Variants in CLYBL observed in about 807,000 individuals in gnomAD.
The protein encoded by CLYBL is citramalyl-CoA lyase.
In CLYBL, 31 loss-of-function variants were observed where a neutral mutation model predicts 38.9. The observed-to-expected ratio is 0.80, with a 90% confidence interval of 0.60 to 1.08. The LOEUF is 1.08. Among genes scored for constraint, CLYBL ranks in the 50% least tolerant of loss-of-function variants. The probability of loss-of-function intolerance (pLI) is 0.00; values close to 1 mark genes in which losing one functional copy is unlikely to be tolerated. For missense variants in CLYBL, 434 were observed against 411.6 expected (o/e 1.05, Z -0.47); for synonymous variants, 171 against 158.6 (o/e 1.08, Z -0.59).
At chr13:99,630,620 T>C (rs2046930041) in intron 1 of CLYBL, among the ~76,000 whole-genome samples, 2 of 152,172 alleles carry the variant, frequency 1.3e-5, no homozygotes, top group Non-Finnish European at 2.9e-5. Context: ...TCTTTTTTCT[T>C]TCTTCTTTTT....
At chr13:99,620,808 A>AAG (rs769913490) in intron 1 of CLYBL, among the ~76,000 whole-genome samples, 36 of 138,836 alleles carry the variant, frequency 2.6e-4, no homozygotes, top group Admixed American at 9.0e-4. Flanking sequence ...GAGAGAGAGA[A>AAG]AGAGAGAGAG....
chr13:99,877,075 C>T (rs554111404), intron 7 of CLYBL, among the ~76,000 whole-genome samples: 3 of 152,134 alleles, frequency 2.0e-5, no homozygotes, highest in Non-Finnish European at 2.9e-5. Context: ...AGTTATCAGT[C>T]GTTCAGTCTC....
chr13:99,700,250 C>T (rs1594126852), intron 1 of CLYBL, among the ~76,000 whole-genome samples: 1 of 152,138 alleles, frequency 6.6e-6, no homozygotes, highest in East Asian at 1.9e-4. Context: ...GTCGGGAGTT[C>T]GAGACTAGCC....
At chr13:99,889,994 G>C (rs924507799) in intron 7 of CLYBL, among the ~76,000 whole-genome samples, 5 of 152,178 alleles carry the variant, frequency 3.3e-5, no homozygotes, top group Non-Finnish European at 5.9e-5. Flanking sequence ...CTTGCCAACA[G>C]GTCGAAGCAG....
At chr13:99,756,844 G>T (rs1046553577) in intron 1 of CLYBL, among the ~76,000 whole-genome samples, 1 of 152,152 alleles carries the variant, frequency 6.6e-6, no homozygotes, top group Admixed American at 6.6e-5. Context: ...TCTTCAAATG[G>T]ACATGCGCTT....
At chr13:99,655,963 C>T (rs545685674) in intron 1 of CLYBL, among the ~76,000 whole-genome samples, 3 of 152,148 alleles carry the variant, frequency 2.0e-5, no homozygotes, top group African/African-American at 7.2e-5. Flanking sequence ...TTCGCAGGTG[C>T]GGTCAAGACG....
Position 99,870,880 on chromosome 13 carries a change from T to TTTTG in CLYBL, c.803-53_803-50dup, listed in dbSNP as rs1256654820. 1.5e-5 allele frequency: 23 copies of TTTTG among 1,539,834 alleles called. No homozygotes were observed. In the African/African-American group the frequency reaches 3.0e-4, roughly 20 times the overall value. ...TCAGGAACCTCACGCGATAGAAACA[T>TTTTG]TTTGTTTGAACATCTGTTCGTTGTT... On this transcript the variant is annotated intron_variant, in intron 6 of 8. Transcript: ENST00000339105.
chr13:99,751,798 T>G (rs1470621847), intron 1 of CLYBL, among the ~76,000 whole-genome samples: 1 of 152,196 alleles, frequency 6.6e-6, no homozygotes, highest in Non-Finnish European at 1.5e-5. Flanking sequence ...CACTTGACAG[T>G]GGTTCAGATG....
At chr13:99,713,748 A>G (rs143155813) in intron 1 of CLYBL, among the ~76,000 whole-genome samples, 4,965 of 152,080 alleles carry the variant, frequency 0.033, 98 homozygotes, top group African/African-American at 0.05. Context: ...CAGTGGTGCA[A>G]TCATGGCTCA....
chr13:99,611,443 T>G (rs1469022649), intron 1 of CLYBL, among the ~76,000 whole-genome samples: 1 of 152,216 alleles, frequency 6.6e-6, no homozygotes, highest in Admixed American at 6.5e-5. Flanking sequence ...ATACGGTAAA[T>G]TACAGTGATT....
chr13:99,634,803 A>G (rs1276592347), intron 1 of CLYBL, among the ~76,000 whole-genome samples: 1 of 152,104 alleles, frequency 6.6e-6, no homozygotes, highest in Non-Finnish European at 1.5e-5. Context: ...GGGAGTCAGG[A>G]TTGGGTTTCT....
chr13:99,750,519 A>T (rs1176600661), intron 1 of CLYBL, among the ~76,000 whole-genome samples: 1 of 152,002 alleles, frequency 6.6e-6, no homozygotes, highest in Non-Finnish European at 1.5e-5. Context: ...ACCAAAAATT[A>T]AAAAATTAGC....
chr13:99,806,731 T>C (rs2806301), intron 2 of CLYBL, among the ~76,000 whole-genome samples: 6,102 of 152,340 alleles, frequency 0.04, 421 homozygotes, highest in African/African-American at 0.14. Context: ...TTCACTGTTA[T>C]TATGTAGAGC....
intron 1 of CLYBL, among the ~76,000 whole-genome samples, chr13:99,710,087 G>A (rs2048207257): frequency 6.6e-6 from 1 of 151,994 alleles, no homozygotes; most frequent in Non-Finnish European, 1.5e-5. Context: ...ACCAAGCCCG[G>A]CTAATTTTTT....
intron 1 of CLYBL, among the ~76,000 whole-genome samples, chr13:99,681,672 C>T (rs2047736102): frequency 7.0e-6 from 1 of 143,492 alleles, no homozygotes; most frequent in South Asian, 2.1e-4. Flanking sequence ...TTGCAACCTC[C>T]ACCTTCCGGG....
intron 1 of CLYBL, among the ~76,000 whole-genome samples, chr13:99,678,241 C>T (rs753318355): frequency 1.3e-5 from 2 of 152,198 alleles, no homozygotes; most frequent in East Asian, 1.9e-4. Context: ...ATCTGCACTG[C>T]GGCAGAGTTG....
chr13:99,883,392 G>C (rs965025625), intron 7 of CLYBL, among the ~76,000 whole-genome samples: 1 of 151,734 alleles, frequency 6.6e-6, no homozygotes, highest in East Asian at 1.9e-4. Flanking sequence ...GGTGGCGAGC[G>C]CCTGAAATCC....
intron 5 of CLYBL, 48 bp from the exon 6 acceptor site, chr13:99,866,192 G>A (rs768349788): frequency 1.1e-5 from 18 of 1,571,626 alleles, no homozygotes; most frequent in Middle Eastern, 4.3e-4. Flanking sequence ...ATCTGGGTGC[G>A]GTTTCCAAAG....
chr13:99,830,766 A>T (rs1209194847), intron 2 of CLYBL, among the ~76,000 whole-genome samples: 4 of 152,212 alleles, frequency 2.6e-5, no homozygotes, highest in Admixed American at 6.5e-5. Context: ...AACTCTTTTA[A>T]AGAAGTGTTC....
Sources: gnomAD v4.1 joint callset for allele counts (sites outside exome capture counted in the v4.1 genomes callset) on GRCh38, gnomAD v4.1.1 for gene constraint, MANE v1.5 for transcripts, NCBI Gene and HGNC (gene_info 2026-07-23, HGNC 2026-07-21) for gene names.